LRCH2: variants seen among roughly 807,000 people sequenced by gnomAD.
LRCH2 encodes the protein leucine rich repeats and calponin homology domain containing 2.
In LRCH2, 38 loss-of-function variants were observed where a neutral mutation model predicts 68.9. That is an observed-to-expected ratio of 0.55 (90% CI 0.43 to 0.72). LRCH2 has a LOEUF of 0.72. Ranked by LOEUF, LRCH2 falls within the 30% of genes least tolerant of loss-of-function variation. The pLI is 0.00. For synonymous variants in LRCH2, 191 were observed against 208.1 expected, an observed-to-expected ratio of 0.92 and a Z score of 0.71; for missense variants, 528 against 572.9, an observed-to-expected ratio of 0.92 and a Z score of 0.80.
chrX:115,150,852 T>A (rs1330729603), intron 12 of LRCH2, among the ~76,000 whole-genome samples: 1 of 110,839 alleles, frequency 9.0e-6, no homozygotes, highest in Non-Finnish European at 1.9e-5. Context: ...ATAGCTTTCC[T>A]ACATATCAAC....
Position 115,190,576 on chromosome X carries a change from C to T in LRCH2, c.350-2206G>A, listed in dbSNP as rs782038936. 322 of 941,722 alleles carry T rather than the reference C, an allele frequency of 3.4e-4. 1 individual carries two copies. The highest frequency in any genetic ancestry group is 4.2e-4 in the Non-Finnish European group (305 of 733,302). 77.6% of individuals were successfully genotyped at this position (941,722 alleles called of 1,213,427 possible). A position where few individuals can be genotyped will look rare whatever the true frequency, so the allele number is the denominator to read the frequency against. Reference sequence around the variant, plus strand: ...CAGCAGTTCCAGTAACGGTTACAGCCGGAGTGACCGCTACGGAGAAGAAGG... The same window carrying T: ...CAGCAGTTCCAGTAACGGTTACAGCTGGAGTGACCGCTACGGAGAAGAAGG... On this transcript the variant is annotated intron_variant, in intron 1 of 20. Coordinates refer to ENST00000317135, the MANE Select transcript of LRCH2 (RefSeq NM_020871.4).
At chrX:115,199,102 C>T (rs1350921273) in intron 1 of LRCH2, among the ~76,000 whole-genome samples, 3 of 111,633 alleles carry the variant, frequency 2.7e-5, no homozygotes, top group East Asian at 2.8e-4. Context: ...GAAGTAAAAG[C>T]GATATTCATC....
chrX:115,176,669 C>T (rs2147401310), intron 5 of LRCH2, among the ~76,000 whole-genome samples: 1 of 110,954 alleles, frequency 9.0e-6, no homozygotes, highest in South Asian at 3.8e-4. Context: ...GTGTTTTGGT[C>T]TCTGTCTTTC....
intron 5 of LRCH2, among the ~76,000 whole-genome samples, chrX:115,177,406 G>A (rs1284679404): frequency 1.8e-5 from 2 of 111,140 alleles, no homozygotes; most frequent in African/African-American, 6.6e-5. Flanking sequence ...TCCTGCTGCA[G>A]TTTACTAAGG....
intron 20 of LRCH2, among the ~76,000 whole-genome samples, chrX:115,115,723 A>T (rs782071834): frequency 9.0e-6 from 1 of 110,928 alleles, no homozygotes; most frequent in Non-Finnish European, 1.9e-5. Context: ...CAAATTAGTA[A>T]CTTTTGTGCT....
chrX:115,117,680 A>G, intron 20 of LRCH2, among the ~76,000 whole-genome samples: 1 of 111,768 alleles, frequency 8.9e-6, no homozygotes, highest in South Asian at 3.7e-4. Flanking sequence ...GCTGAGTGAA[A>G]GAAGATAGAA....
intron 2 of LRCH2, among the ~76,000 whole-genome samples, chrX:115,187,764 G>T (rs781877860): frequency 2.7e-5 from 3 of 112,791 alleles, no homozygotes; most frequent in Admixed American, 9.4e-5. Flanking sequence ...AACCATCCTT[G>T]AAGTAGAAGC....
At position 115,125,596 on chromosome X, in the gene LRCH2, C is replaced by CGT. The variant is rs2072188993; in HGVS notation, c.1791+1246_1791+1247insAC. On this transcript the variant is annotated intron_variant, in intron 16 of 20. Transcript: ENST00000317135. Reference sequence around the variant, plus strand: ...ATACACACACACATATATATATACACATATATATACGTATATATATATGTA... The same window carrying CGT: ...ATACACACACACATATATATATACACGTATATATATACGTATATATATATGTA... Among the ~76,000 whole-genome samples, 3 of 18,782 alleles carry CGT rather than the reference C, an allele frequency of 1.6e-4. 1 individual carries two copies. Among genetic ancestry groups the CGT allele is most frequent in the African/African-American group, 3.0e-4 (1 of 3,343 alleles). 16.3% of individuals were successfully genotyped at this position (18,782 alleles called of 115,157 possible). A position where few individuals can be genotyped will look rare whatever the true frequency, so the allele number is the denominator to read the frequency against.
chrX:115,119,466 T>C (rs1470206805), intron 20 of LRCH2, among the ~76,000 whole-genome samples: 3 of 77,146 alleles, frequency 3.9e-5, no homozygotes, highest in Admixed American at 1.6e-4. Flanking sequence ...TTACAAGGGA[T>C]GTGAAGGACC....
chrX:115,139,510 G>A lies in LRCH2; in HGVS notation c.1696-9311C>T, dbSNP rs147319732. 6.8e-3 allele frequency among the ~76,000 whole-genome samples: 761 copies of A among 111,973 alleles called. 5 individuals are homozygous for A. Among genetic ancestry groups the A allele is most frequent in the Non-Finnish European group, 9.6e-3 (509 of 53,186 alleles). ...TAGAAATTCACCTGTGGCCGGGCAC[G>A]GTGGCTCATGCCTGTAATCTCAACA... On this transcript the variant is annotated intron_variant, in intron 14 of 20. Coordinates refer to ENST00000317135, the MANE Select transcript of LRCH2 (RefSeq NM_020871.4).
At position 115,190,226 on chromosome X, in the gene LRCH2, G is replaced by A. The variant is rs376307245; in HGVS notation, c.350-1856C>T. On this transcript the variant is annotated intron_variant, in intron 1 of 20. Transcript: ENST00000317135. Reference sequence around the variant, plus strand: ...CCTGCGCTCAGAGACTACAGCCGCCGCTATTATGGCCACTCCAGTGTCCCG... The same window carrying A: ...CCTGCGCTCAGAGACTACAGCCGCCACTATTATGGCCACTCCAGTGTCCCG... The A allele has an allele frequency of 3.5e-5, 41 of 1,164,348 alleles. No individual in the cohort carries two copies. The East Asian group carries it at 6.2e-4, about 18-fold the overall frequency.
intron 12 of LRCH2, among the ~76,000 whole-genome samples, chrX:115,155,038 C>CAAAAAAAAAA: frequency 2.4e-5 from 1 of 41,860 alleles, no homozygotes; most frequent in African/African-American, 1.0e-4. Flanking sequence ...AAGACTCTGT[C>CAAAAAAAAAA]AAAAAAAAAA....
In LRCH2 at chrX:115,188,389, G is replaced by GT; in HGVS notation, c.350-20dup. The GT allele has an allele frequency of 9.2e-7, 1 of 1,091,849 alleles. No individual in the cohort carries two copies. The highest frequency in any genetic ancestry group is 1.2e-6 in the Non-Finnish European group (1 of 814,146). The allele number at this position is 1,091,849 out of a possible 1,213,427, so 90.0% of individuals were successfully genotyped here. On this transcript the variant is annotated intron_variant, in intron 1 of 20. Transcript: ENST00000317135. Reference sequence around the variant, plus strand: ...GAAAGATCTGAAAAGAAAATAGTGAGTATTAAACATATACCTATATCTATG... The same window carrying GT: ...GAAAGATCTGAAAAGAAAATAGTGAGTTATTAAACATATACCTATATCTATG...
chrX:115,147,247 A>C (rs186357208), intron 14 of LRCH2, among the ~76,000 whole-genome samples: 1 of 111,970 alleles, frequency 8.9e-6, no homozygotes, highest in Non-Finnish European at 1.9e-5. Flanking sequence ...TAGGTGATTA[A>C]GAGAAATTTC....
intron 14 of LRCH2, among the ~76,000 whole-genome samples, chrX:115,134,900 A>C (rs2072275534): frequency 9.0e-6 from 1 of 110,924 alleles, no homozygotes; most frequent in Non-Finnish European, 1.9e-5. Flanking sequence ...GCAAATTGAA[A>C]ACCTCTGCAA....
At chrX:115,226,901 T>A (rs781993861) in intron 1 of LRCH2, among the ~76,000 whole-genome samples, 28 of 111,482 alleles carry the variant, frequency 2.5e-4, no homozygotes, top group Non-Finnish European at 7.5e-5. Flanking sequence ...AAAGCCCCCC[T>A]CTGCTGTTCA....
At chrX:115,214,323 T>TA in intron 1 of LRCH2, among the ~76,000 whole-genome samples, 1 of 112,168 alleles carries the variant, frequency 8.9e-6, no homozygotes, top group East Asian at 2.8e-4. Context: ...TTTGAAGTAT[T>TA]AGAGACTGAT....
chrX:115,116,600 G>T (rs782298010), intron 20 of LRCH2, among the ~76,000 whole-genome samples: 1 of 111,253 alleles, frequency 9.0e-6, no homozygotes, highest in Non-Finnish European at 1.9e-5. Flanking sequence ...AACTGTTGCT[G>T]AACTCTGTGA....
intron 1 of LRCH2, among the ~76,000 whole-genome samples, chrX:115,216,616 T>C (rs2073043569): frequency 8.9e-6 from 1 of 111,967 alleles, no homozygotes; most frequent in South Asian, 3.7e-4. Flanking sequence ...AAAATAACAG[T>C]TGGTGAGGAT....
Sources: allele counts gnomAD v4.1 joint callset (sites outside exome capture counted in the v4.1 genomes callset), GRCh38; gene constraint gnomAD v4.1.1; transcripts MANE v1.5; gene names NCBI Gene and HGNC (gene_info 2026-07-23, HGNC 2026-07-21).